PLXNA4: variants seen among roughly 807,000 people sequenced by gnomAD.
PLXNA4 encodes the protein plexin A4.
In PLXNA4, 44 loss-of-function variants were observed where a neutral mutation model predicts 191.8. The observed-to-expected ratio is 0.23, with a 90% CI of 0.18 to 0.29. PLXNA4 has a LOEUF of 0.29. Ranked by LOEUF, PLXNA4 falls within the 10% of genes least tolerant of loss-of-function variation. PLXNA4 has a pLI of 1.00. For missense variants in PLXNA4, 1,800 were observed against 2,488.8 expected, an observed-to-expected ratio of 0.72 and a Z score of 5.89; for synonymous variants, 1,082 against 1,009.5, an observed-to-expected ratio of 1.07 and a Z score of -1.36.
At chr7:132,447,357 A>G (rs1795949940) in intron 3 of PLXNA4, among the ~76,000 whole-genome samples, 1 of 152,162 alleles carries the variant, frequency 6.6e-6, no homozygotes, top group Non-Finnish European at 1.5e-5. Flanking sequence ...ATGGGAAGGG[A>G]AGGAGGGGAA....
intron 2 of PLXNA4, among the ~76,000 whole-genome samples, chr7:132,503,071 G>A (rs1448832354): frequency 3.9e-5 from 6 of 152,154 alleles, no homozygotes; most frequent in Non-Finnish European, 7.3e-5. Context: ...TACTATGGCC[G>A]AGACTATCTG....
At chr7:132,233,652 A>T (rs1056204608) in intron 5 of PLXNA4, among the ~76,000 whole-genome samples, 7 of 152,250 alleles carry the variant, frequency 4.6e-5, no homozygotes, top group Admixed American at 2.6e-4. Flanking sequence ...GAAGGAGGGC[A>T]TAGGACTTAG....
Position 132,508,932 on chromosome 7 carries a change from G to A in PLXNA4, c.-86-153C>T, listed in dbSNP as rs975423106. On this transcript the variant is annotated intron_variant, in intron 1 of 31. Transcript: ENST00000321063. This position sits in a 1 kb window ranked among gnomAD's most constrained non-coding sequence, Gnocchi z 4.4. ...GGCTGACTGAGTCAACCCCCACCAC[G>A]GGCATGTGACACAGTCAGAGCCGGG... Among the ~76,000 whole-genome samples, 1 of 152,144 alleles carries A rather than the reference G, an allele frequency of 6.6e-6. No individual in the cohort carries two copies. Among genetic ancestry groups the A allele is most frequent in the East Asian group, 1.9e-4 (1 of 5,196 alleles).
chr7:132,342,960 A>AAAAAC (rs1405637698), intron 3 of PLXNA4, among the ~76,000 whole-genome samples: 2 of 151,252 alleles, frequency 1.3e-5, no homozygotes, highest in Admixed American at 1.3e-4. Context: ...AAAAAAAAAA[A>AAAAAC]AGAAAAAAAA....
intron 4 of PLXNA4, among the ~76,000 whole-genome samples, chr7:132,278,454 T>C (rs1800357132): frequency 6.6e-6 from 1 of 152,180 alleles, no homozygotes; most frequent in Non-Finnish European, 1.5e-5. Flanking sequence ...TTCTTTGTTT[T>C]CAAGGCAGAA....
chr7:132,585,000 T>C (rs1004790403), intron 2 of PLXNA4, among the ~76,000 whole-genome samples: 10 of 152,104 alleles, frequency 6.6e-5, no homozygotes, highest in African/African-American at 2.4e-4. Flanking sequence ...TGCTCCTCTT[T>C]TGTGGGCTGC....
At chr7:132,618,507 T>G (rs1444553033) in intron 2 of PLXNA4, among the ~76,000 whole-genome samples, 1 of 152,226 alleles carries the variant, frequency 6.6e-6, no homozygotes, top group Admixed American at 6.5e-5. Context: ...AAAAGATAAT[T>G]GTAATTAACC....
intron 3 of PLXNA4, among the ~76,000 whole-genome samples, chr7:132,336,826 T>C (rs1419170135): frequency 6.6e-6 from 1 of 152,254 alleles, no homozygotes; most frequent in Non-Finnish European, 1.5e-5. Context: ...TCTGATGCCC[T>C]TGACCAAAAT....
At chr7:132,354,223 GC>G (rs1163282508) in intron 3 of PLXNA4, among the ~76,000 whole-genome samples, 1 of 152,168 alleles carries the variant, frequency 6.6e-6, no homozygotes, top group East Asian at 1.9e-4. Context: ...TGCACACTGA[GC>G]CTGTGCATAT....
At chr7:132,169,917 G>A (rs1796234250) in intron 21 of PLXNA4, among the ~76,000 whole-genome samples, 1 of 152,060 alleles carries the variant, frequency 6.6e-6, no homozygotes. Context: ...TGAGAACACT[G>A]CAGGGTGTGT....
At position 132,130,490 on chromosome 7, in the gene PLXNA4, A is replaced by G. The variant is rs1794894857; in HGVS notation, c.5674T>C (p.Leu1892=). The change falls in exon 32 of 32, where the codon TTA becomes CTA. Residue 1892 remains leucine, a synonymous_variant. Transcript: ENST00000321063. ...TGGAAGGACGGTTCTCAGCTGTCTA[A>G]GCTCATGAGGGTTATGACTTGTTCT... ...KLEQVITLMS[L]DS 5 of 1,614,044 alleles carry G rather than the reference A, an allele frequency of 3.1e-6. No individual in the cohort carries two copies. The South Asian group carries it at 3.3e-5, about 11-fold the overall frequency.
intron 4 of PLXNA4, among the ~76,000 whole-genome samples, chr7:132,258,569 CCTTTTCT>C (rs1480359621): frequency 7.2e-5 from 11 of 152,176 alleles, no homozygotes; most frequent in Admixed American, 3.9e-4. Context: ...TTGGGGCTGG[CCTTTTCT>C]CTTTTCTCAC....
At chr7:132,499,374 C>A (rs527673183) in intron 2 of PLXNA4, among the ~76,000 whole-genome samples, 1 of 152,238 alleles carries the variant, frequency 6.6e-6, no homozygotes. Flanking sequence ...GTTTAGCAAC[C>A]AACACCAGAC....
chr7:132,521,671 A>G (rs1799191671), intron 1 of PLXNA4, among the ~76,000 whole-genome samples: 1 of 152,196 alleles, frequency 6.6e-6, no homozygotes, highest in African/African-American at 2.4e-5. Context: ...CACCTGGGCA[A>G]GGAACAGGAA....
intron 3 of PLXNA4, among the ~76,000 whole-genome samples, chr7:132,388,428 T>C (rs1805251831): frequency 6.6e-6 from 1 of 152,134 alleles, no homozygotes; most frequent in Non-Finnish European, 1.5e-5. Flanking sequence ...GCATGATTTG[T>C]AAGTCAATCA....
intron 3 of PLXNA4, among the ~76,000 whole-genome samples, chr7:132,349,422 G>A (rs1482739604): frequency 6.6e-6 from 1 of 152,152 alleles, no homozygotes; most frequent in Non-Finnish European, 1.5e-5. Flanking sequence ...TGTGTGCAGG[G>A]AGCCAACACA....
chr7:132,449,980 G>C (rs998757846), intron 3 of PLXNA4, among the ~76,000 whole-genome samples: 1 of 152,230 alleles, frequency 6.6e-6, no homozygotes, highest in Admixed American at 6.5e-5. Context: ...AATGGCCTCT[G>C]ATGAAATGCC....
intron 10 of PLXNA4, among the ~76,000 whole-genome samples, chr7:132,205,613 C>A (rs960469105): frequency 2.0e-5 from 3 of 152,042 alleles, no homozygotes; most frequent in South Asian, 4.1e-4. Flanking sequence ...CTTGAAAGTC[C>A]CAGTGGGGAA....
At chr7:132,383,578 A>T (rs900271177) in intron 3 of PLXNA4, 45 of 984,244 alleles carry the variant, frequency 4.6e-5, no homozygotes, top group Non-Finnish European at 5.4e-5. Flanking sequence ...ATGTTATCAC[A>T]CAAGAATCAG....
Sources: gnomAD v4.1 joint callset for allele counts (sites outside exome capture counted in the v4.1 genomes callset) on GRCh38, gnomAD v4.1.1 for gene constraint, Gnocchi (gnomAD v3.1) non-coding constraint, MANE v1.5 for transcripts, NCBI Gene and HGNC (gene_info 2026-07-23, HGNC 2026-07-21) for gene names.